Variants in COL12A1 observed in about 807,000 individuals in gnomAD.
The protein encoded by COL12A1 is collagen type XII alpha 1 chain.
COL12A1 carries 114 observed loss-of-function variants against 349.7 expected under a neutral mutation model. The ratio of observed to expected loss-of-function variants is 0.33; its 90% confidence interval spans 0.28 to 0.38. The LOEUF is 0.38. COL12A1 is among the 10% of genes least tolerant of loss of function. The probability of loss-of-function intolerance (pLI) is 1.00; values close to 1 mark genes in which losing one functional copy is unlikely to be tolerated. For missense variants in COL12A1, 3,284 were observed against 3,756.9 expected (o/e 0.87, Z 3.29); for synonymous variants, 1,369 against 1,329.0 (o/e 1.03, Z -0.66).
Position 75,183,853 on chromosome 6 carries a change from C to T in COL12A1, c.1288+1G>A. ...ATACAATGATGCACACATTGACTTACCCACTTGAACTTTCATTGGCTGAGT... is the reference window on the plus strand; with the variant it reads ...ATACAATGATGCACACATTGACTTATCCACTTGAACTTTCATTGGCTGAGT... On this transcript the variant is annotated splice_donor_variant, in intron 9 of 65. Transcript: ENST00000322507. LOFTEE classifies it high-confidence loss of function. The T allele has an allele frequency of 6.2e-7, 1 of 1,613,734 alleles. No individual in the cohort carries two copies. Among genetic ancestry groups the T allele is most frequent in the Non-Finnish European group, 8.5e-7 (1 of 1,179,702 alleles).
Position 75,102,661 on chromosome 6 carries a change from G to A in COL12A1, c.8351C>T (p.Pro2784Leu), listed in dbSNP as rs997353607. ...GPPGPRGDIGPPGPQGPPGPQ... is the reference protein window; with the variant it reads ...GPPGPRGDIGLPGPQGPPGPQ... Reference sequence around the variant, plus strand: ...GCCTGGAGGACCCTGGGGGCCTGGAGGACCTATGTCTCCACGAGGACCAGG... The same window carrying A: ...GCCTGGAGGACCCTGGGGGCCTGGAAGACCTATGTCTCCACGAGGACCAGG... Residue 2784 changes from proline (P) to leucine (L), a missense_variant, in exon 56 of 66, where the codon CCT becomes CTT. Coordinates refer to ENST00000322507, the MANE Select transcript of COL12A1 (RefSeq NM_004370.6). 3.2e-6 allele frequency: 5 copies of A among 1,571,476 alleles called. No homozygotes were observed. Among genetic ancestry groups the A allele is most frequent in the East Asian group, 2.4e-5 (1 of 41,946 alleles).
In COL12A1 at chr6:75,130,925, T is replaced by C. The variant is rs374519236; in HGVS notation, c.5994A>G (p.Thr1998=). 12 of 1,613,926 alleles carry C rather than the reference T, an allele frequency of 7.4e-6. No individual in the cohort carries two copies. Among genetic ancestry groups the C allele is most frequent in the Admixed American group, 1.7e-5 (1 of 59,980 alleles). The change falls in exon 36 of 66, where the codon ACA becomes ACG. Residue 1998 remains threonine (T), a synonymous_variant. Coordinates refer to ENST00000322507, the MANE Select transcript of COL12A1 (RefSeq NM_004370.6). Reference sequence around the variant, plus strand: ...GAGCCACAAGGTTCACGGAATAGAGTGTGTCCGGAATCAGCCGCTCCAGAT... The same window carrying C: ...GAGCCACAAGGTTCACGGAATAGAGCGTGTCCGGAATCAGCCGCTCCAGAT... ...MVHLERLIPD[T]LYSVNLVALY...
chr6:75,190,754 G>T (rs1406838139), intron 5 of COL12A1, among the ~76,000 whole-genome samples: 2 of 151,866 alleles, frequency 1.3e-5, no homozygotes, highest in African/African-American at 4.8e-5. Flanking sequence ...AGAGGGTGCT[G>T]AAAAATTTTG....
chr6:75,125,889 TAAC>T (rs1242591024), intron 39 of COL12A1, among the ~76,000 whole-genome samples: 2 of 152,076 alleles, frequency 1.3e-5, no homozygotes, highest in African/African-American at 4.8e-5. Flanking sequence ...AAAACAAAAA[TAAC>T]AAATAATTTA....
At chr6:75,110,507 T>C (rs1768783993) in intron 51 of COL12A1, among the ~76,000 whole-genome samples, 1 of 151,982 alleles carries the variant, frequency 6.6e-6, no homozygotes, top group South Asian at 2.1e-4. Context: ...GTAACCAATC[T>C]ATTTCCTAAA....
In COL12A1 at chr6:75,085,243, GAGGCTCCTCTGC is replaced by G; in HGVS notation, c.*1292_*1303del. 1 of 470,692 alleles carries G rather than the reference GAGGCTCCTCTGC, an allele frequency of 2.1e-6. No individual in the cohort carries two copies. The highest frequency in any genetic ancestry group is 4.4e-6 in the Non-Finnish European group (1 of 227,036). The allele number at this position is 470,692 out of a possible 1,614,324, so 29.2% of individuals were successfully genotyped here. A position where few individuals can be genotyped will look rare whatever the true frequency, so the allele number is the denominator to read the frequency against. On this transcript the variant is annotated 3_prime_UTR_variant, in exon 66 of 66. Coordinates refer to ENST00000322507, the MANE Select transcript of COL12A1 (RefSeq NM_004370.6). ...CGCCGCCAGCGCCGGTGGGGCTCAG[GAGGCTCCTCTGC>G]AGGCTCGTCTGCGCCGTAGTCCTCG...
chr6:75,147,890 T>C (rs1767283385), intron 22 of COL12A1, 86 bp from the exon 23 acceptor site: 4 of 1,400,460 alleles, frequency 2.9e-6, no homozygotes, highest in Non-Finnish European at 3.9e-6. Context: ...TTAACTGCAG[T>C]GAGCTTAGAA....
intron 65 of COL12A1, chr6:75,087,083 A>G (rs1767534971): frequency 6.5e-6 from 1 of 153,876 alleles, no homozygotes; most frequent in Admixed American, 6.5e-5. Context: ...AAAATCCTTT[A>G]AAAACAATTA....
At chr6:75,160,207 A>C (rs1278392683) in intron 14 of COL12A1, among the ~76,000 whole-genome samples, 1 of 152,182 alleles carries the variant, frequency 6.6e-6, no homozygotes, top group Non-Finnish European at 1.5e-5. Flanking sequence ...AGACACTTTC[A>C]AACATCCACT....
Position 75,152,222 on chromosome 6 carries a change from T to G in COL12A1, c.3744A>C (p.Arg1248Ser). The change falls in exon 19 of 66, where the codon AGA becomes AGC. Residue 1248 changes from arginine to serine, a missense_variant. This residue lies in a region of COL12A1 where 2,601 missense variants were observed against 2,824.8 expected (regional missense o/e 0.92). Transcript: ENST00000322507. ...IALAQYSGDP[R>S]TEWQLNAHRD... ...TGTGTGCATTTAACTGCCACTCTGT[T>G]CTGGGATCCCCACTATACTGAGCAA... 1 of 1,613,784 alleles carries G rather than the reference T, an allele frequency of 6.2e-7. No individual in the cohort carries two copies.
intron 58 of COL12A1, among the ~76,000 whole-genome samples, chr6:75,099,183 C>A (rs1234673225): frequency 1.3e-5 from 2 of 152,090 alleles, no homozygotes; most frequent in African/African-American, 2.4e-5. Flanking sequence ...TTAAATTATT[C>A]TTTTTACATT....
At chr6:75,149,211 T>C (rs955015545) in intron 21 of COL12A1, among the ~76,000 whole-genome samples, 1 of 152,144 alleles carries the variant, frequency 6.6e-6, no homozygotes, top group Admixed American at 6.6e-5. Context: ...GTACATATAA[T>C]CAGTAAATAA....
At chr6:75,104,309 T>G (rs747582942) in intron 54 of COL12A1, among the ~76,000 whole-genome samples, 19 of 152,154 alleles carry the variant, frequency 1.2e-4, no homozygotes, top group Non-Finnish European at 2.2e-4. Flanking sequence ...CAAAAACATC[T>G]AAGTCACATC....
chr6:75,089,242 C>CTGA, intron 63 of COL12A1, 68 bp from the exon 64 acceptor site: 1 of 1,150,986 alleles, frequency 8.7e-7, no homozygotes, highest in Non-Finnish European at 1.2e-6. Flanking sequence ...TTCATCTTAA[C>CTGA]TGATAATATT....
rs1440677882 is a variant in COL12A1 at position 75,133,435 on chromosome 6, A to G, written c.5665-13T>C. The G allele has an allele frequency of 6.3e-7, 1 of 1,596,802 alleles. No individual in the cohort carries two copies. The highest frequency in any genetic ancestry group is 8.5e-7 in the Non-Finnish European group (1 of 1,175,304). On this transcript the variant is annotated splice_polypyrimidine_tract_variant and intron_variant, in intron 33 of 65. Transcript: ENST00000322507. Reference sequence around the variant, plus strand: ...CGGGGATTGGTACCTAAAGATTTTAATAAAACAAAAAGCATTGACTTGAAA... The same window carrying G: ...CGGGGATTGGTACCTAAAGATTTTAGTAAAACAAAAAGCATTGACTTGAAA...
At chr6:75,117,608 A>G in intron 46 of COL12A1, 62 bp from the exon 47 acceptor site, 1 of 1,532,612 alleles carries the variant, frequency 6.5e-7, no homozygotes, top group Admixed American at 1.9e-5. Context: ...TTGTTAGAAC[A>G]ATGCAAAAAA....
intron 60 of COL12A1, among the ~76,000 whole-genome samples, chr6:75,092,892 A>T (rs1767842071): frequency 6.6e-6 from 1 of 152,070 alleles, no homozygotes; most frequent in African/African-American, 2.4e-5. Context: ...CTCTCCATTT[A>T]ACTCCCTTCA....
At chr6:75,096,723 C>T (rs1051161788) in intron 59 of COL12A1, among the ~76,000 whole-genome samples, 12 of 151,872 alleles carry the variant, frequency 7.9e-5, no homozygotes, top group East Asian at 5.8e-4. Flanking sequence ...GGTGAAACCC[C>T]GTCTCTACTA....
At chr6:75,147,898 G>T in intron 22 of COL12A1, 94 bp from the exon 23 acceptor site, 1 of 1,315,718 alleles carries the variant, frequency 7.6e-7, no homozygotes. Flanking sequence ...AGTGAGCTTA[G>T]AATCTATATT....
Sources: allele counts gnomAD v4.1 joint callset (sites outside exome capture counted in the v4.1 genomes callset), GRCh38; gene constraint gnomAD v4.1.1; regional missense constraint gnomAD v4.1.1; transcripts MANE v1.5; gene names NCBI Gene and HGNC (gene_info 2026-07-23, HGNC 2026-07-21).